SDSL: variants seen among roughly 807,000 people sequenced by gnomAD.
SDSL encodes serine dehydratase like.
In SDSL, 26 loss-of-function variants were observed where a neutral mutation model predicts 27.6. The ratio of observed to expected loss-of-function variants is 0.94; its 90% CI spans 0.69 to 1.31. SDSL has a LOEUF of 1.31. SDSL is among the 50% of genes most tolerant of loss of function. The probability of loss-of-function intolerance (pLI) is 0.00; values close to 1 mark genes in which losing one functional copy is unlikely to be tolerated. For missense variants in SDSL, 431 were observed against 423.5 expected, an observed-to-expected ratio of 1.02 and a Z score of -0.16; for synonymous variants, 196 against 180.6, an observed-to-expected ratio of 1.09 and a Z score of -0.69.
intron 4 of SDSL, among the ~76,000 whole-genome samples, chr12:113,430,461 G>A (rs1288352552): frequency 6.6e-6 from 1 of 152,186 alleles, no homozygotes; most frequent in East Asian, 1.9e-4. Context: ...TTGGGTCTGT[G>A]GGAGGGTTAG....
At chr12:113,429,028 A>AGTG in intron 3 of SDSL, 132 bp from the exon 4 acceptor site, 1 of 1,041,486 alleles carries the variant, frequency 9.6e-7, no homozygotes, top group Non-Finnish European at 1.4e-6. Context: ...CCCCCTCTTG[A>AGTG]GTGGAGGAAG....
intron 4 of SDSL, among the ~76,000 whole-genome samples, chr12:113,433,319 C>G (rs539380380): frequency 1.3e-5 from 2 of 152,182 alleles, no homozygotes; most frequent in East Asian, 3.9e-4. Flanking sequence ...TTCTGCCCCC[C>G]TTGTGACCCT....
intron 5 of SDSL, among the ~76,000 whole-genome samples, chr12:113,435,008 G>A (rs749946583): frequency 2.6e-4 from 40 of 152,260 alleles, no homozygotes; most frequent in African/African-American, 6.0e-4. Flanking sequence ...CCAGCTACTC[G>A]GGAGGCTGAG....
At chr12:113,433,178 T>C (rs997233725) in intron 4 of SDSL, among the ~76,000 whole-genome samples, 4 of 152,206 alleles carry the variant, frequency 2.6e-5, no homozygotes, top group Non-Finnish European at 5.9e-5. Flanking sequence ...GAGACTCTTC[T>C]CTTCAGCCAG....
At chr12:113,426,136 C>T (rs771849096) in intron 1 of SDSL, 20 of 455,624 alleles carry the variant, frequency 4.4e-5, no homozygotes, top group South Asian at 3.1e-5. Flanking sequence ...TCCGCCCTCA[C>T]CCCCTACCCT....
At chr12:113,434,053 C>T in intron 4 of SDSL, 81 bp from the exon 5 acceptor site, 1 of 1,189,326 alleles carries the variant, frequency 8.4e-7, no homozygotes, top group Non-Finnish European at 1.2e-6. Flanking sequence ...CTGGGGCCAC[C>T]AAGGAGATCC....
chr12:113,431,482 G>T (rs1228927273), intron 4 of SDSL, among the ~76,000 whole-genome samples: 1 of 151,932 alleles, frequency 6.6e-6, no homozygotes, highest in Non-Finnish European at 1.5e-5. Context: ...GGATACATGT[G>T]CAGGTTTGTT....
chr12:113,432,270 T>TTCTTTCTTTCTCTC (rs1555210079), intron 4 of SDSL, among the ~76,000 whole-genome samples: 145 of 116,336 alleles, frequency 1.2e-3, no homozygotes, highest in African/African-American at 4.5e-3. Flanking sequence ...CTTTCTTTCT[T>TTCTTTCTTTCTCTC]TCTTTCTTTC....
intron 3 of SDSL, 150 bp downstream of exon 3, chr12:113,428,609 G>T: frequency 1.5e-6 from 1 of 653,392 alleles, no homozygotes. Flanking sequence ...TCCCATCCTA[G>T]CCTTCTCCCA....
At chr12:113,428,534 A>G (rs1037023400) in intron 3 of SDSL, 75 bp downstream of exon 3, 1 of 1,376,614 alleles carries the variant, frequency 7.3e-7, no homozygotes, top group Non-Finnish European at 1.0e-6. Flanking sequence ...GTACACATCC[A>G]GGGTTGGTCT....
chr12:113,423,287 A>G (rs1210155739), intron 1 of SDSL, among the ~76,000 whole-genome samples: 1 of 152,284 alleles, frequency 6.6e-6, no homozygotes, highest in Non-Finnish European at 1.5e-5. Flanking sequence ...CTAGTATATT[A>G]GAGAAAGTAT....
chr12:113,431,843 G>A (rs1345725687), intron 4 of SDSL, among the ~76,000 whole-genome samples: 17 of 150,324 alleles, frequency 1.1e-4, no homozygotes, highest in Admixed American at 4.0e-4. Context: ...GGTTCACACC[G>A]TTCTCCTGCC....
rs143149359 is a variant in SDSL at position 113,432,910 on chromosome 12, A to G, written c.355-1224A>G. Among the ~76,000 whole-genome samples, 1,050 of 152,242 alleles carry G rather than the reference A, an allele frequency of 6.9e-3. 9 individuals carry two copies. The highest frequency in any genetic ancestry group is 0.023 in the African/African-American group (968 of 41,526). On this transcript the variant is annotated intron_variant, in intron 4 of 7. Coordinates refer to ENST00000403593, the MANE Select transcript of SDSL (RefSeq NM_001304993.2). ...ATATGCACCACATTTTCTGTATCCA[A>G]TCCACCATTGATGGGCACCTGGGTT...
chr12:113,426,224 G>A (rs759758410), intron 1 of SDSL: 2 of 455,840 alleles, frequency 4.4e-6, no homozygotes, highest in South Asian at 1.5e-5. Context: ...GGTCCTGGCT[G>A]CTGTTCTCTG....
At chr12:113,424,460 T>G (rs1047705930) in intron 1 of SDSL, among the ~76,000 whole-genome samples, 1 of 152,242 alleles carries the variant, frequency 6.6e-6, no homozygotes, top group Non-Finnish European at 1.5e-5. Context: ...TTTCTGATTA[T>G]TTTGTTTGTC....
At chr12:113,433,985 C>A in intron 4 of SDSL, 149 bp from the exon 5 acceptor site, 1 of 576,338 alleles carries the variant, frequency 1.7e-6, no homozygotes, top group South Asian at 3.2e-5. Flanking sequence ...CTCAGGAGGC[C>A]TCTGGGCCCA....
intron 5 of SDSL, 87 bp downstream of exon 5, chr12:113,434,309 T>A: frequency 9.6e-7 from 1 of 1,045,036 alleles, no homozygotes; most frequent in Non-Finnish European, 1.4e-6. Context: ...AAGGAGAAAC[T>A]GAGGCCCAGA....
At chr12:113,424,921 A>G (rs919060640) in intron 1 of SDSL, among the ~76,000 whole-genome samples, 1 of 151,982 alleles carries the variant, frequency 6.6e-6, no homozygotes, top group Admixed American at 6.6e-5. Context: ...TTTTTAGTAG[A>G]GACGGGGTTT....
Position 113,438,096 on chromosome 12 carries a change from C to G in SDSL, c.*17C>G. The G allele has an allele frequency of 6.2e-7, 1 of 1,603,294 alleles. No homozygotes were observed. The highest frequency in any genetic ancestry group is 2.2e-5 in the East Asian group (1 of 44,842). ...CAGGTCTGAGGGGTCCCATCCTGGC[C>G]CCAAAGACCCCTGAGAGGCCCATGG... On this transcript the variant is annotated 3_prime_UTR_variant, in exon 8 of 8. Coordinates refer to ENST00000403593, the MANE Select transcript of SDSL (RefSeq NM_001304993.2).
Sources: allele counts gnomAD v4.1 joint callset (sites outside exome capture counted in the v4.1 genomes callset), GRCh38; gene constraint gnomAD v4.1.1; transcripts MANE v1.5; gene names NCBI Gene and HGNC (gene_info 2026-07-23, HGNC 2026-07-21).